Variants in IGFN1 observed in about 807,000 individuals in gnomAD.
The protein encoded by IGFN1 is immunoglobulin-like and fibronectin type III domain-containing protein 1.
Under a neutral mutation model 289.5 loss-of-function variants are expected in IGFN1, and 253 were observed. The observed-to-expected ratio is 0.87, with a 90% CI of 0.79 to 0.97. The LOEUF (loss-of-function observed/expected upper bound fraction) is 0.97. Ranked by LOEUF, IGFN1 falls within the 50% of genes least tolerant of loss-of-function variation. IGFN1 has a pLI of 0.00. For missense variants in IGFN1, 4,470 were observed against 4,686.1 expected, an observed-to-expected ratio of 0.95 and a Z score of 1.35; for synonymous variants, 1,706 against 1,788.5, an observed-to-expected ratio of 0.95 and a Z score of 1.16.
intron 4 of IGFN1, among the ~76,000 whole-genome samples, chr1:201,196,553 C>T (rs1337555339): frequency 6.6e-6 from 1 of 152,186 alleles, no homozygotes. Flanking sequence ...CCATGTTGGC[C>T]AGGCTAGTCT....
Position 201,208,748 on chromosome 1 carries a change from G to A in IGFN1, c.3855G>A (p.Lys1285=). The A allele has an allele frequency of 6.5e-7, 1 of 1,536,932 alleles. No homozygotes were observed. The highest frequency in any genetic ancestry group is 8.7e-7 in the Non-Finnish European group (1 of 1,146,788). Residue 1285 remains lysine, a synonymous_variant, in exon 12 of 24, where the codon AAG becomes AAA. Transcript: ENST00000335211. ...CTGGGGAAATGGGGTCAGTGGATAA[G>A]GAAGGTTATAAGAAAGATTTGGGGG... The part of the protein sequence containing the change: ...GSSGEMGSVD[K]EGYKKDLGAP...
chr1:201,217,886 AT>A (rs1558156449), intron 17 of IGFN1, among the ~76,000 whole-genome samples: 1 of 151,142 alleles, frequency 6.6e-6, no homozygotes, highest in East Asian at 2.0e-4. Flanking sequence ...TCCTCTCTAG[AT>A]CTGAATTTCC....
intron 4 of IGFN1, 53 bp downstream of exon 4, chr1:201,196,031 C>T: frequency 6.6e-7 from 1 of 1,523,468 alleles, no homozygotes; most frequent in Non-Finnish European, 8.8e-7. Flanking sequence ...TTTCCCATCC[C>T]CTTGAAGGTC....
rs1466321164 is a variant in IGFN1, at chr1:201,207,822, T to A, written c.2929T>A (p.Ser977Thr). ...AAGCGGGGCTGGTTATAGCTATGGC[T>A]CAGGGGTTCCAGGAGAAATGGGGTC... ...SKSGAGYSYGSGVPGEMGSGH... is the reference protein window; with the variant it reads ...SKSGAGYSYGTGVPGEMGSGH... The change falls in exon 12 of 24, where the codon TCA (serine) becomes ACA (threonine). Residue 977 changes from serine (S) to threonine (T), a missense_variant. Around this residue, in one of 8 missense-constraint regions of IGFN1, gnomAD observed 2,011 missense variants for 1,953.4 expected, o/e 1.03. Coordinates refer to ENST00000335211, the MANE Select transcript of IGFN1 (RefSeq NM_001164586.2). 1.3e-5 allele frequency: 20 copies of A among 1,535,842 alleles called. No individual in the cohort carries two copies. The highest frequency in any genetic ancestry group is 1.7e-5 in the Non-Finnish European group (20 of 1,146,214).
At chr1:201,196,059 T>C (rs1666906401) in intron 4 of IGFN1, 81 bp downstream of exon 4, 1 of 1,386,696 alleles carries the variant, frequency 7.2e-7, no homozygotes, top group East Asian at 2.5e-5. Flanking sequence ...CAGCCTCCAA[T>C]CCCTAGAGGA....
At chr1:201,196,591 C>T (rs965561795) in intron 4 of IGFN1, among the ~76,000 whole-genome samples, 8 of 152,122 alleles carry the variant, frequency 5.3e-5, no homozygotes, top group East Asian at 1.9e-4. Context: ...ATGATCCATC[C>T]GCCTCGGCAT....
At chr1:201,199,568 T>C (rs1337626299) in intron 6 of IGFN1, 41 bp from the exon 7 acceptor site, 11 of 1,532,202 alleles carry the variant, frequency 7.2e-6, no homozygotes, top group Admixed American at 6.0e-5. Flanking sequence ...CCCTCAGTCA[T>C]CCCACCTGGG....
chr1:201,221,191 G>A lies in IGFN1; in HGVS notation c.9899-253G>A, dbSNP rs116389541. 4.6e-3 allele frequency among the ~76,000 whole-genome samples: 700 copies of A among 152,310 alleles called. 8 individuals carry two copies. Among genetic ancestry groups the A allele is most frequent in the African/African-American group, 0.016 (664 of 41,580 alleles). ...GTTAGGAGAAGGCATTTGGCAGGTTGGTGAATGAATGAGGGGAATGAGTTG... is the reference window on the plus strand; with the variant it reads ...GTTAGGAGAAGGCATTTGGCAGGTTAGTGAATGAATGAGGGGAATGAGTTG... On this transcript the variant is annotated intron_variant, in intron 18 of 23. Transcript: ENST00000335211.
At chr1:201,214,951 C>T in intron 13 of IGFN1, 62 bp from the exon 14 acceptor site, 1 of 1,561,824 alleles carries the variant, frequency 6.4e-7, no homozygotes, top group South Asian at 1.2e-5. Flanking sequence ...CTCTGGTTAG[C>T]TGGCCTGAAG....
At chr1:201,217,505 G>T (rs775066453) in intron 17 of IGFN1, 45 bp downstream of exon 17, 5 of 1,596,186 alleles carry the variant, frequency 3.1e-6, no homozygotes, top group South Asian at 1.1e-5. Context: ...ACCCCTCCTG[G>T]CTCCAGGATC....
chr1:201,216,752 G>A lies in IGFN1; in HGVS notation c.9594G>A (p.Glu3198=), dbSNP rs753856785. 7 of 1,600,422 alleles carry A rather than the reference G, an allele frequency of 4.4e-6. No homozygotes were observed. In the East Asian group the frequency reaches 1.6e-4, roughly 36 times the overall value. The change falls in exon 16 of 24, where the codon GAG becomes GAA. Residue 3198 remains glutamate, a splice_region_variant and synonymous_variant. Coordinates refer to ENST00000335211, the MANE Select transcript of IGFN1 (RefSeq NM_001164586.2). ...CTGAGGAGATATTGGTGGCTCCTGA[G>A]GGTGAGAGAAAAGGCTGGGGCTGGG... is the stretch of plus-strand genomic sequence containing the variant. ...LESEEILVAP[E]ALPKAPSAPA...
rs187298021 is a variant in IGFN1, at chr1:201,211,807, G to A, written c.6914G>A (p.Arg2305Lys). 89 of 1,536,804 alleles carry A rather than the reference G, an allele frequency of 5.8e-5. 1 individual carries two copies. The Admixed American group carries it at 1.7e-3, about 29-fold the overall frequency. ...RNPLGSEAGS[R>K]GSLEDSGYIL... Reference sequence around the variant, plus strand: ...CCATTAGGGAGCGAGGCAGGTTCTAGGGGTAGTTTGGAGGATTCTGGGTAC... The same window carrying A: ...CCATTAGGGAGCGAGGCAGGTTCTAAGGGTAGTTTGGAGGATTCTGGGTAC... Residue 2305 changes from arginine to lysine, a missense_variant, in exon 12 of 24, where the codon AGG becomes AAG. Around this residue, in one of 8 missense-constraint regions of IGFN1, gnomAD observed 2,218 missense variants for 2,114.1 expected, o/e 1.05. Coordinates refer to ENST00000335211, the MANE Select transcript of IGFN1 (RefSeq NM_001164586.2).
chr1:201,195,925 T>A lies in IGFN1; in HGVS notation c.214T>A (p.Ser72Thr). ...GAACTCCAAAGGTGACCTCAGTGATTCCAGCAAGTACAAGATCTCCTCCAG... is the reference window on the plus strand; with the variant it reads ...GAACTCCAAAGGTGACCTCAGTGATACCAGCAAGTACAAGATCTCCTCCAG... The part of the protein sequence containing the change: ...WQNSKGDLSD[S>T]SKYKISSSPG... The change falls in exon 4 of 24, where the codon TCC (serine) becomes ACC (threonine). Residue 72 changes from serine (S) to threonine (T), a missense_variant. Physicochemically the swap from Ser to Thr is moderately conservative, Grantham distance 58 (BLOSUM62 1). Around this residue, in one of 8 missense-constraint regions of IGFN1, gnomAD observed 2,011 missense variants for 1,953.4 expected, o/e 1.03. Coordinates refer to ENST00000335211, the MANE Select transcript of IGFN1 (RefSeq NM_001164586.2). 3 of 1,551,870 alleles carry A rather than the reference T, an allele frequency of 1.9e-6. No homozygotes were observed. The highest frequency in any genetic ancestry group is 2.6e-6 in the Non-Finnish European group (3 of 1,147,020).
At chr1:201,205,046 A>G in intron 10 of IGFN1, 36 bp from the exon 11 acceptor site, 3 of 1,513,370 alleles carry the variant, frequency 2.0e-6, no homozygotes, top group Non-Finnish European at 2.7e-6. Context: ...GTGTCATACC[A>G]TCAAGCTGAT....
chr1:201,207,844 G>T lies in IGFN1; in HGVS notation c.2951G>T (p.Gly984Val). ...SYGSGVPGEM[G>V]SGHGAGCRVS... ...GGCTCAGGGGTTCCAGGAGAAATGG[G>T]GTCCGGCCATGGTGCTGGTTGTAGA... The change falls in exon 12 of 24, where the codon GGG becomes GTG. Residue 984 changes from glycine (G) to valine (V), a missense_variant. By Grantham distance (109) the Gly-to-Val change is moderately radical. Transcript: ENST00000335211. 1 of 1,535,886 alleles carries T rather than the reference G, an allele frequency of 6.5e-7. No individual in the cohort carries two copies. The highest frequency in any genetic ancestry group is 8.7e-7 in the Non-Finnish European group (1 of 1,146,122).
At chr1:201,218,806 G>C (rs1204889163) in intron 18 of IGFN1, 148 bp downstream of exon 18, 7 of 796,022 alleles carry the variant, frequency 8.8e-6, no homozygotes, top group Non-Finnish European at 1.3e-5. Context: ...AAATCAAAAG[G>C]CCTCTCGGGT....
At position 201,227,003 on chromosome 1, in the gene IGFN1, C is replaced by T. The variant is rs568768751; in HGVS notation, c.10908C>T (p.Ala3636=). The T allele has an allele frequency of 2.4e-5, 38 of 1,613,414 alleles. No individual in the cohort carries two copies. Among genetic ancestry groups the T allele is most frequent in the Admixed American group, 1.7e-4 (10 of 60,026 alleles). The change falls in exon 23 of 24, where the codon GCC becomes GCT. Residue 3636 remains alanine (A), a synonymous_variant. Transcript: ENST00000335211. ...PQGCECCMSC[A]VQGSPRPHVT... ...GCTGCGAGTGCTGCATGAGCTGTGC[C>T]GTGCAGGGCTCGCCCCGGCCCCACG...
At chr1:201,220,144 C>T (rs1443875496) in intron 18 of IGFN1, among the ~76,000 whole-genome samples, 5 of 140,814 alleles carry the variant, frequency 3.6e-5, no homozygotes, top group African/African-American at 1.3e-4. Context: ...TCTCTCTCTC[C>T]CCCTTCCTCC....
At chr1:201,221,829 C>G (rs1558159501) in intron 19 of IGFN1, 83 bp downstream of exon 19, 1 of 1,217,140 alleles carries the variant, frequency 8.2e-7, no homozygotes, top group East Asian at 2.4e-5. Flanking sequence ...AATGCACTTA[C>G]TAAGCCAGGA....
Sources: allele counts gnomAD v4.1 joint callset (sites outside exome capture counted in the v4.1 genomes callset), GRCh38; gene constraint gnomAD v4.1.1; regional missense constraint gnomAD v4.1.1; transcripts MANE v1.5; gene names NCBI Gene and HGNC (gene_info 2026-07-23, HGNC 2026-07-21).